Variants in DRD2 observed in about 807,000 individuals in gnomAD.
DRD2 encodes the protein D(2) dopamine receptor.
In DRD2, 8 loss-of-function variants were observed where a neutral mutation model predicts 38.0. That is an observed-to-expected ratio of 0.21 (90% CI 0.12 to 0.38). The LOEUF is 0.38. DRD2 is among the 10% of genes least tolerant of loss of function. The pLI is 1.00. For synonymous variants in DRD2, 230 were observed against 238.6 expected (o/e 0.96, Z 0.33); for missense variants, 403 against 607.7 (o/e 0.66, Z 3.54).
chr11:113,424,350 G>C lies in DRD2; in HGVS notation c.285+17C>G, dbSNP rs746767289. On this transcript the variant is annotated intron_variant, in intron 2 of 7. Transcript: ENST00000362072. ...CCTGCTGGAGAAAGTGCTGGAGCAAGCAGGGGGCCCACCTACCTCCAGGTA... is the reference window on the plus strand; with the variant it reads ...CCTGCTGGAGAAAGTGCTGGAGCAACCAGGGGGCCCACCTACCTCCAGGTA... The C allele has an allele frequency of 6.2e-7, 1 of 1,613,328 alleles. No homozygotes were observed. Among genetic ancestry groups the C allele is most frequent in the South Asian group, 1.1e-5 (1 of 90,950 alleles).
chr11:113,417,151 C>A, intron 3 of DRD2, 152 bp from the exon 4 acceptor site: 1 of 1,180,406 alleles, frequency 8.5e-7, no homozygotes, highest in Non-Finnish European at 1.2e-6. Flanking sequence ...AACCCTCCCT[C>A]CTGTCCCCAA....
chr11:113,466,614 A>C (rs1371802286), intron 1 of DRD2, among the ~76,000 whole-genome samples: 3 of 152,084 alleles, frequency 2.0e-5, no homozygotes, highest in Admixed American at 6.5e-5. Flanking sequence ...TATGTTGCTG[A>C]CCTATGAGAT....
chr11:113,413,506 C>T (rs1950790862), intron 6 of DRD2, among the ~76,000 whole-genome samples: 1 of 152,202 alleles, frequency 6.6e-6, no homozygotes, highest in Non-Finnish European at 1.5e-5. Context: ...TGTTTGAGGC[C>T]TTGGAGGTGT....
intron 1 of DRD2, among the ~76,000 whole-genome samples, chr11:113,433,454 A>T (rs1034440131): frequency 2.0e-5 from 3 of 152,142 alleles, no homozygotes; most frequent in African/African-American, 7.2e-5. Flanking sequence ...AAGCCCAGGG[A>T]GTGGCCTGGA....
At chr11:113,426,149 G>A (rs1950939857) in intron 1 of DRD2, among the ~76,000 whole-genome samples, 1 of 152,104 alleles carries the variant, frequency 6.6e-6, no homozygotes. Context: ...TAAACTGCAA[G>A]TCAATTTCAT....
intron 2 of DRD2, among the ~76,000 whole-genome samples, chr11:113,421,092 A>G (rs1342695433): frequency 6.6e-6 from 1 of 151,404 alleles, no homozygotes; most frequent in Non-Finnish European, 1.5e-5. Context: ...TGACATAACC[A>G]CCTCTCCTCC....
chr11:113,462,718 C>A (rs1951334959), intron 1 of DRD2, among the ~76,000 whole-genome samples: 1 of 152,226 alleles, frequency 6.6e-6, no homozygotes, highest in South Asian at 2.1e-4. Flanking sequence ...TCTGGATGCC[C>A]TGGGTCTCAG....
chr11:113,461,200 C>T (rs1387263191), intron 1 of DRD2, among the ~76,000 whole-genome samples: 2 of 152,160 alleles, frequency 1.3e-5, no homozygotes, highest in Non-Finnish European at 2.9e-5. Context: ...TTACAGGGGC[C>T]CAGAACACCT....
chr11:113,459,430 T>TA (rs1164401954), intron 1 of DRD2, among the ~76,000 whole-genome samples: 3 of 152,158 alleles, frequency 2.0e-5, no homozygotes, highest in African/African-American at 4.8e-5. Flanking sequence ...CATTTTAGAA[T>TA]AAAAAATCAG....
At position 113,409,894 on chromosome 11, in the gene DRD2, C is replaced by T. The variant is rs980695797; in HGVS notation, c.*833G>A. ...GTCCCTCAAAGAACCTCTGATGTCC[C>T]CTAGCCCAGGCCCAGATAGAGTTCC... On this transcript the variant is annotated 3_prime_UTR_variant, in exon 8 of 8. Coordinates refer to ENST00000362072, the MANE Select transcript of DRD2 (RefSeq NM_000795.4). 2.0e-5 allele frequency: 3 copies of T among 152,544 alleles called. No individual in the cohort carries two copies. The highest frequency in any genetic ancestry group is 1.9e-4 in the East Asian group (1 of 5,200). The allele number at this position is 152,544 out of a possible 1,614,324, so 9.4% of individuals were successfully genotyped here. A position where few individuals can be genotyped will look rare whatever the true frequency, so the allele number is the denominator to read the frequency against.
At chr11:113,423,309 T>A (rs1950903846) in intron 2 of DRD2, among the ~76,000 whole-genome samples, 1 of 152,138 alleles carries the variant, frequency 6.6e-6, no homozygotes, top group African/African-American at 2.4e-5. Context: ...AGAGTCTTGC[T>A]CTGTCGCCCA....
intron 1 of DRD2, among the ~76,000 whole-genome samples, chr11:113,467,018 T>C (rs1045115268): frequency 1.3e-5 from 2 of 152,106 alleles, no homozygotes; most frequent in African/African-American, 4.8e-5. Flanking sequence ...AGAAAAATAG[T>C]GTGTGGAAAC....
intron 2 of DRD2, among the ~76,000 whole-genome samples, chr11:113,419,002 A>G (rs1950855164): frequency 6.6e-6 from 1 of 152,218 alleles, no homozygotes; most frequent in African/African-American, 2.4e-5. Context: ...ACTCAGCCAT[A>G]CCTCTGTAAA....
At chr11:113,431,372 T>C (rs1950985858) in intron 1 of DRD2, among the ~76,000 whole-genome samples, 1 of 152,180 alleles carries the variant, frequency 6.6e-6, no homozygotes, top group African/African-American at 2.4e-5. Context: ...GCAGACAAGG[T>C]TCCATGGGTC....
At chr11:113,417,753 C>T (rs985185316) in intron 3 of DRD2, among the ~76,000 whole-genome samples, 7 of 152,198 alleles carry the variant, frequency 4.6e-5, no homozygotes, top group African/African-American at 1.7e-4. Context: ...CTAGGGCTTC[C>T]GTCAGAATCA....
chr11:113,413,228 T>C, intron 6 of DRD2: 1 of 622,140 alleles, frequency 1.6e-6, no homozygotes, highest in Non-Finnish European at 3.1e-6. Context: ...CAAGAGCTGA[T>C]GATGTTTGGC....
chr11:113,412,249 C>T, intron 7 of DRD2: 1 of 451,640 alleles, frequency 2.2e-6, no homozygotes, highest in Non-Finnish European at 4.1e-6. Flanking sequence ...GGCACATAGG[C>T]CCATGAGGTT....
intron 2 of DRD2, among the ~76,000 whole-genome samples, chr11:113,422,965 G>A (rs1950900311): frequency 6.6e-6 from 1 of 152,186 alleles, no homozygotes. Flanking sequence ...GGAAGGTAAC[G>A]GTTCAGTGGG....
At chr11:113,464,810 C>A (rs1951352836) in intron 1 of DRD2, among the ~76,000 whole-genome samples, 1 of 152,246 alleles carries the variant, frequency 6.6e-6, no homozygotes, top group African/African-American at 2.4e-5. Flanking sequence ...CCCTTTCAAT[C>A]CAGCTTAGGT....
Sources: allele counts gnomAD v4.1 joint callset (sites outside exome capture counted in the v4.1 genomes callset), GRCh38; gene constraint gnomAD v4.1.1; transcripts MANE v1.5; gene names NCBI Gene and HGNC (gene_info 2026-07-23, HGNC 2026-07-21).